Variants in PRC1 observed in about 807,000 individuals in gnomAD.
PRC1 encodes the protein anaphase spindle elongation 1 homolog.
In PRC1, 54 loss-of-function variants were observed where a neutral mutation model predicts 91.2. That is an observed-to-expected ratio of 0.59 (90% confidence interval 0.48 to 0.74). PRC1 has a LOEUF of 0.74. Among genes scored for constraint, PRC1 ranks in the 30% least tolerant of loss-of-function variants. PRC1 has a pLI of 0.00. For synonymous variants in PRC1, 275 were observed against 263.6 expected (o/e 1.04, Z -0.42); for missense variants, 727 against 746.2 (o/e 0.97, Z 0.30).
intron 7 of PRC1, among the ~76,000 whole-genome samples, chr15:90,979,587 T>C (rs575201654): frequency 6.6e-6 from 1 of 152,186 alleles, no homozygotes; most frequent in South Asian, 2.1e-4. Flanking sequence ...TCTGCTTTTC[T>C]GTCTTGCCCA....
At chr15:90,967,745 C>G in intron 14 of PRC1, 2 of 805,864 alleles carry the variant, frequency 2.5e-6, no homozygotes, top group Non-Finnish European at 3.0e-6. Flanking sequence ...GTAGGCTGTT[C>G]TGTCTAGGAC....
At chr15:90,971,542 G>A (rs1310141344) in intron 11 of PRC1, among the ~76,000 whole-genome samples, 7 of 150,932 alleles carry the variant, frequency 4.6e-5, no homozygotes, top group Non-Finnish European at 7.4e-5. Flanking sequence ...TTGGCTTCCC[G>A]AAGTAGTGGG....
In PRC1 at chr15:90,983,888, GT is replaced by G. The variant is rs1264580513; in HGVS notation, c.267+129del. 1.0e-5 allele frequency: 13 copies of G among 1,272,182 alleles called. No homozygotes were observed. In the East Asian group the frequency reaches 2.6e-4, roughly 26 times the overall value. The allele number at this position is 1,272,182 out of a possible 1,614,324, so 78.8% of individuals were successfully genotyped here. On this transcript the variant is annotated intron_variant, in intron 3 of 14. Coordinates refer to ENST00000394249, the MANE Select transcript of PRC1 (RefSeq NM_003981.4). ...CTGGGCCTAATTAACTACACAGCATGTTTTCCCCACTTCTTACGTCTAGCTC... is the reference window on the plus strand; with the variant it reads ...CTGGGCCTAATTAACTACACAGCATGTTTCCCCACTTCTTACGTCTAGCTC...
chr15:90,967,210 AAAAT>A lies in PRC1; in HGVS notation c.1792-12_1792-9del, dbSNP rs760970501. ...AGCCTTTGAAAGTTCTCGCTGTTGA[AAAAT>A]AAATAACATCAGTGGCCATACTGCC... On this transcript the variant is annotated splice_polypyrimidine_tract_variant and intron_variant, in intron 14 of 14. Transcript: ENST00000394249. The A allele has an allele frequency of 1.9e-5, 31 of 1,611,836 alleles. No individual in the cohort carries two copies. Among genetic ancestry groups the A allele is most frequent in the South Asian group, 1.3e-4 (12 of 91,042 alleles).
rs2038533904 is a variant in PRC1, at chr15:90,974,866, G to A, written c.1204-135C>T. 4.9e-6 allele frequency: 5 copies of A among 1,014,584 alleles called. No individual in the cohort carries two copies. The South Asian group carries it at 5.8e-5, about 12-fold the overall frequency. The allele number at this position is 1,014,584 out of a possible 1,614,324, so 62.8% of individuals were successfully genotyped here. ...CATTTCAGGTAGCTGGGCCCACATG[G>A]GTACAGGTCAGAGTGACCAGAAATC... On this transcript the variant is annotated intron_variant, in intron 9 of 14. Coordinates refer to ENST00000394249, the MANE Select transcript of PRC1 (RefSeq NM_003981.4). The surrounding 1 kb of genome is among the most constrained non-coding windows in gnomAD (Gnocchi z 4.6).
chr15:90,990,939 C>T (rs1342640665), intron 1 of PRC1, among the ~76,000 whole-genome samples: 2 of 151,512 alleles, frequency 1.3e-5, no homozygotes, highest in African/African-American at 2.4e-5. Flanking sequence ...GCACCACGCC[C>T]GGCTAATTTT....
intron 8 of PRC1, among the ~76,000 whole-genome samples, chr15:90,978,829 T>C (rs529551027): frequency 6.9e-6 from 1 of 145,904 alleles, no homozygotes; most frequent in East Asian, 2.1e-4. Flanking sequence ...GAAGATGAGG[T>C]CCACCCTTAG....
chr15:90,978,914 C>A (rs780325472), intron 8 of PRC1, among the ~76,000 whole-genome samples: 2 of 152,096 alleles, frequency 1.3e-5, no homozygotes. Context: ...CTGCCCCACA[C>A]TGCCCACCTC....
In PRC1 at chr15:90,983,960, G is replaced by A. The variant is rs559181806; in HGVS notation, c.267+58C>T. 7.1e-5 allele frequency: 113 copies of A among 1,585,622 alleles called. No homozygotes were observed. In the South Asian group the frequency reaches 1.2e-3, roughly 17 times the overall value. ...CCATCTGCAGGCCCAAGTCAACGTTGCTTTCTAAGTCTCAGGCCCCAGACA... is the reference window on the plus strand; with the variant it reads ...CCATCTGCAGGCCCAAGTCAACGTTACTTTCTAAGTCTCAGGCCCCAGACA... On this transcript the variant is annotated intron_variant, in intron 3 of 14. Transcript: ENST00000394249.
chr15:90,976,529 A>G, intron 9 of PRC1, 147 bp downstream of exon 9: 1 of 624,626 alleles, frequency 1.6e-6, no homozygotes, highest in Non-Finnish European at 2.7e-6. Flanking sequence ...CTTGATATGG[A>G]GTTGCTTATA....
At chr15:90,991,653 A>G (rs1329330804) in intron 1 of PRC1, among the ~76,000 whole-genome samples, 1 of 151,674 alleles carries the variant, frequency 6.6e-6, no homozygotes, top group Non-Finnish European at 1.5e-5. Context: ...CATCCTTGAC[A>G]CTTCTTTCTT....
intron 1 of PRC1, chr15:90,988,191 A>C (rs1261201628): frequency 6.6e-6 from 1 of 152,226 alleles, no homozygotes; most frequent in East Asian, 1.9e-4. Context: ...TGAAGACAAA[A>C]GAATGCACAA....
Position 90,967,113 on chromosome 15 carries a change from T to TTGAC in PRC1, c.*14_*17dup. 6.2e-7 allele frequency: 1 copy of TTGAC among 1,608,454 alleles called. No homozygotes were observed. The highest frequency in any genetic ancestry group is 8.5e-7 in the Non-Finnish European group (1 of 1,174,776). ...TCTAGGCACAGGAAGCCACAGCTGG[T>TTGAC]TGACTGATCAGGGCTTCTCAGGACT... On this transcript the variant is annotated 3_prime_UTR_variant, in exon 15 of 15. Coordinates refer to ENST00000394249, the MANE Select transcript of PRC1 (RefSeq NM_003981.4).
intron 1 of PRC1, among the ~76,000 whole-genome samples, chr15:90,987,181 T>C (rs989888203): frequency 6.6e-6 from 1 of 151,524 alleles, no homozygotes; most frequent in African/African-American, 2.4e-5. Flanking sequence ...CTCAGGAGGC[T>C]GAGGTGGGAG....
chr15:90,968,909 C>G, intron 14 of PRC1, 170 bp downstream of exon 14: 1 of 1,427,040 alleles, frequency 7.0e-7, no homozygotes, highest in African/African-American at 1.4e-5. Context: ...ATTAATTAAT[C>G]TGTTGTGAAT....
intron 11 of PRC1, 33 bp from the exon 12 acceptor site, chr15:90,970,547 CAGTAACA>C: frequency 7.0e-7 from 1 of 1,429,366 alleles, no homozygotes; most frequent in Non-Finnish European, 9.9e-7. Flanking sequence ...AACTGATGTG[CAGTAACA>C]TCCTCAGCAT....
In PRC1 at chr15:90,974,762, C is replaced by T; in HGVS notation, c.1204-31G>A. The T allele has an allele frequency of 6.2e-7, 1 of 1,613,054 alleles. No individual in the cohort carries two copies. The highest frequency in any genetic ancestry group is 8.5e-7 in the Non-Finnish European group (1 of 1,179,168). ...ACCAGAAACAAGGACATGTTAATTACTTCAACTCTTTAGTGCAAAGCCCAA... is the reference window on the plus strand; with the variant it reads ...ACCAGAAACAAGGACATGTTAATTATTTCAACTCTTTAGTGCAAAGCCCAA... On this transcript the variant is annotated intron_variant, in intron 9 of 14. Transcript: ENST00000394249. This position sits in a 1 kb window ranked among gnomAD's most constrained non-coding sequence, Gnocchi z 4.6.
chr15:90,983,239 G>C (rs145995537), intron 3 of PRC1, among the ~76,000 whole-genome samples: 9 of 152,108 alleles, frequency 5.9e-5, no homozygotes, highest in Admixed American at 1.3e-4. Flanking sequence ...TCCCTCCTAA[G>C]CTAACTCCAA....
chr15:90,967,241 C>G lies in PRC1; in HGVS notation c.1792-39G>C, dbSNP rs757363580. 4 of 1,531,660 alleles carry G rather than the reference C, an allele frequency of 2.6e-6. 1 individual carries two copies. The highest frequency in any genetic ancestry group is 2.2e-5 in the South Asian group (2 of 89,450). 94.9% of individuals were successfully genotyped at this position (1,531,660 alleles called of 1,614,324 possible). ...AATAACATCAGTGGCCATACTGCCT[C>G]TCTTACACATGGCCCACCCTTCTAA... On this transcript the variant is annotated intron_variant, in intron 14 of 14. Coordinates refer to ENST00000394249, the MANE Select transcript of PRC1 (RefSeq NM_003981.4).
Sources: gnomAD v4.1 joint callset for allele counts (sites outside exome capture counted in the v4.1 genomes callset) on GRCh38, gnomAD v4.1.1 for gene constraint, Gnocchi (gnomAD v3.1) non-coding constraint, MANE v1.5 for transcripts, NCBI Gene and HGNC (gene_info 2026-07-23, HGNC 2026-07-21) for gene names.